Variants in LIN52 observed in about 807,000 individuals in gnomAD.
LIN52 encodes protein lin-52 homolog.
Under a neutral mutation model 18.5 loss-of-function variants are expected in LIN52, and 4 were observed. The ratio of observed to expected loss-of-function variants is 0.22; its 90% CI spans 0.11 to 0.49. The LOEUF is 0.49. Ranked by LOEUF, LIN52 falls within the 20% of genes least tolerant of loss-of-function variation. LIN52 has a pLI of 0.97. For synonymous variants in LIN52, 34 were observed against 45.5 expected (o/e 0.75, Z 1.02); for missense variants, 102 against 139.5 (o/e 0.73, Z 1.35).
At chr14:74,102,239 T>A (rs2060863337) in intron 5 of LIN52, among the ~76,000 whole-genome samples, 1 of 152,102 alleles carries the variant, frequency 6.6e-6, no homozygotes, top group Non-Finnish European at 1.5e-5. Context: ...TAAGACTCTG[T>A]CTCAAAAACA....
chr14:74,146,496 C>T (rs1307524147), intron 5 of LIN52, among the ~76,000 whole-genome samples: 2 of 152,002 alleles, frequency 1.3e-5, no homozygotes, highest in Admixed American at 1.3e-4. Flanking sequence ...CAGATTTGTT[C>T]CTAAGCAAAA....
chr14:74,155,545 C>T (rs1241065942), intron 5 of LIN52, among the ~76,000 whole-genome samples: 1 of 152,222 alleles, frequency 6.6e-6, no homozygotes, highest in Non-Finnish European at 1.5e-5. Flanking sequence ...CGTCTCTTCT[C>T]TGCCCCTTCA....
At chr14:74,169,142 C>G (rs991378710) in intron 5 of LIN52, among the ~76,000 whole-genome samples, 1 of 152,178 alleles carries the variant, frequency 6.6e-6, no homozygotes, top group Admixed American at 6.5e-5. Flanking sequence ...ATTTTCATAT[C>G]TGGGCTGTCT....
At chr14:74,191,108 C>A (rs1372325732) in intron 5 of LIN52, among the ~76,000 whole-genome samples, 1 of 152,242 alleles carries the variant, frequency 6.6e-6, no homozygotes, top group Admixed American at 6.5e-5. Context: ...CCTGGAACTG[C>A]TCTGCTGTAC....
chr14:74,152,699 C>T (rs951045621), intron 5 of LIN52, among the ~76,000 whole-genome samples: 2 of 151,812 alleles, frequency 1.3e-5, no homozygotes, highest in East Asian at 1.9e-4. Context: ...CAGTGGCTTA[C>T]GCCTGTAATC....
At chr14:74,085,112 TTA>T in intron 1 of LIN52, 119 bp downstream of exon 1, 1 of 1,015,964 alleles carries the variant, frequency 9.8e-7, no homozygotes. Context: ...CCTTTCCCTT[TTA>T]TTTTTTTTCT....
At chr14:74,171,486 T>C (rs1278665180) in intron 5 of LIN52, among the ~76,000 whole-genome samples, 2 of 152,024 alleles carry the variant, frequency 1.3e-5, no homozygotes, top group Non-Finnish European at 2.9e-5. Flanking sequence ...CATTAAGTTT[T>C]AATCTACAAA....
intron 5 of LIN52, among the ~76,000 whole-genome samples, chr14:74,191,440 G>A (rs977275748): frequency 2.0e-5 from 3 of 152,072 alleles, no homozygotes; most frequent in African/African-American, 7.2e-5. Context: ...GGTCCCTTTT[G>A]TCATAGCTGT....
At chr14:74,128,484 C>T (rs1162374763) in intron 5 of LIN52, among the ~76,000 whole-genome samples, 1 of 152,178 alleles carries the variant, frequency 6.6e-6, no homozygotes, top group African/African-American at 2.4e-5. Context: ...ATAGTGCCTA[C>T]TCCCACTGGA....
chr14:74,091,569 G>A (rs1338111261), intron 2 of LIN52, among the ~76,000 whole-genome samples: 1 of 151,726 alleles, frequency 6.6e-6, no homozygotes, highest in Non-Finnish European at 1.5e-5. Flanking sequence ...AGGAGTTTGA[G>A]ACCAGCGTGG....
chr14:74,101,797 T>C (rs747947316), intron 5 of LIN52, among the ~76,000 whole-genome samples: 8 of 152,102 alleles, frequency 5.3e-5, no homozygotes, highest in Non-Finnish European at 1.2e-4. Flanking sequence ...TTGAAATCCC[T>C]TCAGGTTATT....
chr14:74,172,874 G>C (rs1177588288), intron 5 of LIN52, among the ~76,000 whole-genome samples: 3 of 152,160 alleles, frequency 2.0e-5, no homozygotes, highest in African/African-American at 4.8e-5. Flanking sequence ...GAATAAGTGT[G>C]CTAACTTGTT....
intron 5 of LIN52, among the ~76,000 whole-genome samples, chr14:74,119,402 G>A (rs1205402839): frequency 6.6e-6 from 1 of 151,984 alleles, no homozygotes; most frequent in Non-Finnish European, 1.5e-5. Context: ...CTGACCTCGT[G>A]ATCCGCCCGC....
At chr14:74,116,993 T>C (rs1343224794) in intron 5 of LIN52, among the ~76,000 whole-genome samples, 1 of 152,024 alleles carries the variant, frequency 6.6e-6, no homozygotes, top group East Asian at 1.9e-4. Flanking sequence ...AAAATACTAC[T>C]TAAAAAAATA....
chr14:74,091,729 G>T (rs1435263740), intron 2 of LIN52, among the ~76,000 whole-genome samples: 1 of 133,766 alleles, frequency 7.5e-6, no homozygotes, highest in Non-Finnish European at 1.5e-5. Flanking sequence ...AGCAGAGATT[G>T]TGCCACTGCA....
intron 5 of LIN52, among the ~76,000 whole-genome samples, chr14:74,192,410 C>T (rs1339049697): frequency 6.6e-6 from 1 of 152,154 alleles, no homozygotes; most frequent in Non-Finnish European, 1.5e-5. Flanking sequence ...CTCAGCCTCC[C>T]GAGTAGCTGG....
At chr14:74,120,913 G>GA (rs201645652) in intron 5 of LIN52, among the ~76,000 whole-genome samples, 3,873 of 148,860 alleles carry the variant, frequency 0.026, 161 homozygotes, top group African/African-American at 0.09. Context: ...TCTGTCTCAA[G>GA]AAAAAAAAAA....
intron 5 of LIN52, among the ~76,000 whole-genome samples, chr14:74,137,741 G>A (rs978422753): frequency 4.6e-5 from 7 of 151,742 alleles, no homozygotes; most frequent in Non-Finnish European, 8.8e-5. Flanking sequence ...CTCGTGATCC[G>A]CCTGCCTCAG....
At chr14:74,196,244 G>C (rs1048252895) in intron 5 of LIN52, among the ~76,000 whole-genome samples, 1 of 152,222 alleles carries the variant, frequency 6.6e-6, no homozygotes, top group Admixed American at 6.5e-5. Flanking sequence ...TTGCCACTGA[G>C]AGACTTCAGA....
Sources: allele counts gnomAD v4.1 joint callset (sites outside exome capture counted in the v4.1 genomes callset), GRCh38; gene constraint gnomAD v4.1.1; transcripts MANE v1.5; gene names NCBI Gene and HGNC (gene_info 2026-07-23, HGNC 2026-07-21).